NEB: variants seen among roughly 807,000 people sequenced by gnomAD.
NEB encodes nemaline myopathy type 2.
NEB carries 512 observed loss-of-function variants against 952.2 expected under a neutral mutation model. That is an observed-to-expected ratio of 0.54 (90% CI 0.50 to 0.58). The LOEUF is 0.58. NEB is among the 20% of genes least tolerant of loss of function. The probability of loss-of-function intolerance (pLI) is 0.00; values close to 1 mark genes in which losing one functional copy is unlikely to be tolerated. For synonymous variants in NEB, 2,900 were observed against 3,149.8 expected (o/e 0.92, Z 2.66); for missense variants, 8,428 against 9,231.1 (o/e 0.91, Z 3.56).
At position 151,680,020 on chromosome 2, in the gene NEB, G is replaced by C. The variant is rs773307085; in HGVS notation, c.3045C>G (p.Ile1015Met). The C allele has an allele frequency of 1.3e-6, 2 of 1,594,360 alleles. No individual in the cohort carries two copies. Residue 1015 changes from isoleucine to methionine, a missense_variant and splice_region_variant, in exon 31 of 182, where the codon ATC becomes ATG. By Grantham distance (10) the Ile-to-Met change is conservative (BLOSUM62 1). Around this residue, in one of 11 missense-constraint regions of NEB, gnomAD observed 2,851 missense variants for 2,791.5 expected, o/e 1.02. Coordinates refer to ENST00000397345, the MANE Select transcript of NEB (RefSeq NM_001164508.2). ...TTTCCTCTCCTTTGGCTTTGTAAGC[G>C]ATCTGAAAGAGAAAAAAATGCATAA... ...SKINQAQRSDIAYKAKGEEII... is the reference protein window; with the variant it reads ...SKINQAQRSDMAYKAKGEEII...
chr2:151,576,048 G>A, intron 106 of NEB, 103 bp downstream of exon 106: 1 of 946,782 alleles, frequency 1.1e-6, no homozygotes. Flanking sequence ...TAAAATTTTT[G>A]TTATTAATAA....
chr2:151,643,165 A>C lies in NEB; in HGVS notation c.8145T>G (p.Ala2715=). The C allele has an allele frequency of 6.2e-7, 1 of 1,612,816 alleles. No individual in the cohort carries two copies. Among genetic ancestry groups the C allele is most frequent in the Non-Finnish European group, 8.5e-7 (1 of 1,178,968 alleles). Residue 2715 remains alanine (A), a synonymous_variant, in exon 58 of 182, where the codon GCT becomes GCG. Transcript: ENST00000397345. ...SIPMVLAKNN[A]ITMNHRLYTE... ...TAGGACTTACATGATTCATGGTAAT[A>C]GCATTGTTTTTTGCCAAAACCATTG...
chr2:151,619,357 AC>A, intron 73 of NEB, 93 bp downstream of exon 73: 1 of 1,264,492 alleles, frequency 7.9e-7, no homozygotes, highest in Non-Finnish European at 1.1e-6. Flanking sequence ...TTTGAAATAT[AC>A]AAACAAATTG....
At chr2:151,651,273 A>G (rs539704700) in intron 52 of NEB, among the ~76,000 whole-genome samples, 3 of 152,242 alleles carry the variant, frequency 2.0e-5, no homozygotes, top group Admixed American at 6.5e-5. Flanking sequence ...CTAGATGCAG[A>G]AATATATGTT....
chr2:151,531,507 G>A (rs1003229459), intron 144 of NEB, among the ~76,000 whole-genome samples: 2 of 151,868 alleles, frequency 1.3e-5, no homozygotes, highest in Non-Finnish European at 2.9e-5. Context: ...AGTAGAGATG[G>A]GGTTTTGCCA....
chr2:151,713,597 T>TC (rs1399239173), intron 10 of NEB, among the ~76,000 whole-genome samples: 56 of 152,304 alleles, frequency 3.7e-4, no homozygotes, highest in African/African-American at 1.3e-3. Context: ...AAATCTCATA[T>TC]TTTTTCTTTT....
At chr2:151,507,919 C>T (rs2070637413) in intron 162 of NEB, 86 bp downstream of exon 162, 5 of 903,944 alleles carry the variant, frequency 5.5e-6, no homozygotes, top group Non-Finnish European at 8.9e-6. Context: ...ACAACAGCCC[C>T]ACTGCAAGCC....
rs1158552388 is a variant in NEB, at chr2:151,627,518, C to G, written c.10143+5G>C. 6.2e-7 allele frequency: 1 copy of G among 1,613,056 alleles called. No homozygotes were observed. Among genetic ancestry groups the G allele is most frequent in the Non-Finnish European group, 8.5e-7 (1 of 1,179,064 alleles). ...GCACAGTTACCATGGATCTTAATTA[C>G]TCACATCGCTCTGGAGGTCATAGGC... is the stretch of plus-strand genomic sequence containing the variant. On this transcript the variant is annotated splice_donor_5th_base_variant and intron_variant, in intron 69 of 181. Coordinates refer to ENST00000397345, the MANE Select transcript of NEB (RefSeq NM_001164508.2).
At chr2:151,564,304 A>G (rs1253901896) in intron 117 of NEB, among the ~76,000 whole-genome samples, 10 of 151,918 alleles carry the variant, frequency 6.6e-5, no homozygotes, top group African/African-American at 2.4e-4. Flanking sequence ...ACACGCACGC[A>G]CCACTATGCC....
In NEB at chr2:151,656,370, A is replaced by G. The variant is rs147476634; in HGVS notation, c.6278T>C (p.Val2093Ala). The G allele has an allele frequency of 7.7e-5, 125 of 1,613,614 alleles. 1 individual carries two copies. In the African/African-American group the frequency reaches 1.4e-3, roughly 18 times the overall value. ...DDPKLVHSMQ[V>A]AKMQSDREYK... ...CTCCCGATCAGATTGCATCTTAGCC[A>G]CTTGCATGGAATGGACTAATTTGGG... is the stretch of plus-strand genomic sequence containing the variant. The change falls in exon 49 of 182, where the codon GTG becomes GCG. Residue 2093 changes from valine to alanine, a missense_variant. By Grantham distance (64) the Val-to-Ala change is moderately conservative. Coordinates refer to ENST00000397345, the MANE Select transcript of NEB (RefSeq NM_001164508.2).
rs190857199 is a variant in NEB at position 151,527,357 on chromosome 2, C to T, written c.21840+124G>A. ...CTATCGCTCCCCCAACCATCCTCCT[C>T]TCCTTCTCGGATCTCAAACGAGCAA... On this transcript the variant is annotated intron_variant, in intron 147 of 181. Transcript: ENST00000397345. 41 of 832,168 alleles carry T rather than the reference C, an allele frequency of 4.9e-5. 1 individual carries two copies. The highest frequency in any genetic ancestry group is 3.5e-4 in the East Asian group (13 of 37,160). The allele number at this position is 832,168 out of a possible 1,614,324, so 51.5% of individuals were successfully genotyped here. A position where few individuals can be genotyped will look rare whatever the true frequency, so the allele number is the denominator to read the frequency against.
rs1225823657 is a variant in NEB, at chr2:151,605,810, AT to A, written c.12747+795del. 3.2e-5 allele frequency among the ~76,000 whole-genome samples: 3 copies of A among 92,858 alleles called. 1 individual carries two copies. Among genetic ancestry groups the A allele is most frequent in the African/African-American group, 9.3e-5 (3 of 32,420 alleles). 60.9% of individuals were successfully genotyped at this position (92,858 alleles called of 152,430 possible). A position where few individuals can be genotyped will look rare whatever the true frequency, so the allele number is the denominator to read the frequency against. On this transcript the variant is annotated intron_variant, in intron 84 of 181. Coordinates refer to ENST00000397345, the MANE Select transcript of NEB (RefSeq NM_001164508.2). The stretch of plus-strand genomic sequence containing the variant: ...GCATAATTATTCTATTTTTATTTTT[AT>A]TTTTTTTGAAACGCAGTTTCAGTCT...
rs1449886454 is a variant in NEB at position 151,576,163 on chromosome 2, T to G, written c.16896A>C (p.Glu5632Asp). The G allele has an allele frequency of 6.3e-7, 1 of 1,597,030 alleles. No individual in the cohort carries two copies. The highest frequency in any genetic ancestry group is 8.6e-7 in the Non-Finnish European group (1 of 1,169,188). Reference sequence around the variant, plus strand: ...AAAACTAACTCACAATACTAATATTTTCAGCATTTGATTTAGCAAGGACCA... The same window carrying G: ...AAAACTAACTCACAATACTAATATTGTCAGCATTTGATTTAGCAAGGACCA... ...PEVVLAKSNA[E>D]NISIPKYREV... The change falls in exon 106 of 182, where the codon GAA (glutamate) becomes GAC (aspartate). Residue 5632 changes from glutamate to aspartate, a missense_variant. Around this residue, in one of 11 missense-constraint regions of NEB, gnomAD observed 3,374 missense variants for 3,651.5 expected, o/e 0.92. Transcript: ENST00000397345.
Position 151,672,679 on chromosome 2 carries a change from T to C in NEB, c.3989A>G (p.Tyr1330Cys), listed in dbSNP as rs189553632. Reference sequence around the variant, plus strand: ...CTTCTCATAAGCTTCCTTGTATTTATACTGTGGAGGCAGAATTGGGTTAGC... The same window carrying C: ...CTTCTCATAAGCTTCCTTGTATTTACACTGTGGAGGCAGAATTGGGTTAGC... ...AKASRNIASD[Y>C]KYKEAYEKSK... Residue 1330 changes from tyrosine (Y) to cysteine (C), a missense_variant and splice_region_variant, in exon 37 of 182, where the codon TAT (tyrosine) becomes TGT (cysteine). Physicochemically the swap from Tyr to Cys is radical, Grantham distance 194. Transcript: ENST00000397345. 244 of 1,608,922 alleles carry C rather than the reference T, an allele frequency of 1.5e-4. 1 individual carries two copies. In the African/African-American group the frequency reaches 2.0e-3, roughly 13 times the overall value.
In NEB at chr2:151,502,820, G is replaced by A; in HGVS notation, c.23901C>T (p.Val7967=). 6.2e-7 allele frequency: 1 copy of A among 1,604,880 alleles called. No individual in the cohort carries two copies. Among genetic ancestry groups the A allele is most frequent in the Non-Finnish European group, 8.5e-7 (1 of 1,175,288 alleles). Residue 7967 remains valine, a synonymous_variant, in exon 167 of 182, where the codon GTC becomes GTT. Transcript: ENST00000397345. ...AGCTAAAGTTCTCTTGATTGCGTTT[G>A]ACTCTCTCCATCTCTGGAGTGATAG... ...PTPITPEMER[V]KRNQENFSSI...
chr2:151,718,003 G>A (rs1017166884), intron 9 of NEB, among the ~76,000 whole-genome samples: 9 of 152,020 alleles, frequency 5.9e-5, no homozygotes, highest in South Asian at 2.1e-4. Flanking sequence ...ACAGGCACCC[G>A]CCACCGTGCC....
rs2049702510 is a variant in NEB at position 151,485,626 on chromosome 2, G to A, written c.*134C>T. 1.3e-6 allele frequency: 1 copy of A among 784,424 alleles called. No homozygotes were observed. Among genetic ancestry groups the A allele is most frequent in the Non-Finnish European group, 2.0e-6 (1 of 510,814 alleles). The allele number at this position is 784,424 out of a possible 1,614,324, so 48.6% of individuals were successfully genotyped here. The stretch of plus-strand genomic sequence containing the variant: ...TTTAAAACCCAAAGGAGAAAGGATG[G>A]TACTACCATAAATCACATTGACACA... On this transcript the variant is annotated 3_prime_UTR_variant, in exon 182 of 182. Transcript: ENST00000397345.
chr2:151,536,786 G>A (rs1409806457), intron 141 of NEB, among the ~76,000 whole-genome samples: 6 of 152,146 alleles, frequency 3.9e-5, no homozygotes, highest in Admixed American at 2.0e-4. Flanking sequence ...TTTGCCCCAC[G>A]TCATACATTA....
chr2:151,668,893 A>T (rs940520768), intron 39 of NEB, 134 bp downstream of exon 39: 1 of 610,336 alleles, frequency 1.6e-6, no homozygotes, highest in Admixed American at 3.2e-5. Flanking sequence ...CTCATGTTGC[A>T]TGGTTAAGGG....
Sources: allele counts gnomAD v4.1 joint callset (sites outside exome capture counted in the v4.1 genomes callset), GRCh38; gene constraint gnomAD v4.1.1; regional missense constraint gnomAD v4.1.1; transcripts MANE v1.5; gene names NCBI Gene and HGNC (gene_info 2026-07-23, HGNC 2026-07-21).